MRPL40: variants seen among roughly 807,000 people sequenced by gnomAD.
MRPL40 encodes mitochondrial ribosomal protein L40, also known as large ribosomal subunit protein mL40.
In MRPL40, 18 loss-of-function variants were observed where a neutral mutation model predicts 24.5. The observed-to-expected ratio is 0.73, with a 90% CI of 0.51 to 1.09. The LOEUF (loss-of-function observed/expected upper bound fraction) is 1.09, where lower values mean the gene tolerates loss of function less well. Ranked by LOEUF, MRPL40 falls within the 50% of genes least tolerant of loss-of-function variation. The probability of loss-of-function intolerance (pLI) is 0.00; values close to 1 mark genes in which losing one functional copy is unlikely to be tolerated. For synonymous variants in MRPL40, 108 were observed against 94.6 expected (o/e 1.14, Z -0.82); for missense variants, 256 against 243.8 (o/e 1.05, Z -0.33).
chr22:19,432,707 A>G, intron 1 of MRPL40, 100 bp downstream of exon 1: 1 of 1,447,952 alleles, frequency 6.9e-7, no homozygotes, highest in Non-Finnish European at 9.1e-7. Flanking sequence ...CTCGCCTCCC[A>G]GTCCACGAAT....
chr22:19,434,833 A>G lies in MRPL40; in HGVS notation c.235A>G (p.Thr79Ala). Residue 79 changes from threonine (T) to alanine (A), a missense_variant, in exon 3 of 4, where the codon ACT becomes GCT. Physicochemically the swap from Thr to Ala is moderately conservative, Grantham distance 58. Transcript: ENST00000333130. ...GAAGATCCGAAAACTGGAAAAGGCT[A>G]CTCAAGAGCTAATTCCTATTGAAGA... Reference protein sequence around the residue: ...KRKIRKLEKATQELIPIEDFI... With the variant: ...KRKIRKLEKAAQELIPIEDFI... The G allele has an allele frequency of 6.2e-7, 1 of 1,611,860 alleles. No homozygotes were observed. The highest frequency in any genetic ancestry group is 1.1e-5 in the South Asian group (1 of 90,552).
chr22:19,434,589 A>T, intron 2 of MRPL40, 147 bp from the exon 3 acceptor site: 1 of 610,990 alleles, frequency 1.6e-6, no homozygotes, highest in Non-Finnish European at 2.8e-6. Context: ...GGGGTGGAGT[A>T]CCTCCTCACC....
intron 1 of MRPL40, 29 bp from the exon 2 acceptor site, chr22:19,433,236 A>G (rs752383048): frequency 2.6e-6 from 4 of 1,514,398 alleles, no homozygotes; most frequent in Admixed American, 1.7e-5. Flanking sequence ...GGAGAAGCAG[A>G]TATTTATACA....
chr22:19,434,663 A>C (rs766548820), intron 2 of MRPL40, 73 bp from the exon 3 acceptor site: 8 of 1,289,664 alleles, frequency 6.2e-6, no homozygotes, highest in Non-Finnish European at 8.5e-6. Flanking sequence ...AGTATGGGGT[A>C]CTTACCATCT....
Position 19,432,567 on chromosome 22 carries a change from G to T in MRPL40, c.13G>T (p.Val5Leu), listed in dbSNP as rs199863614. The change falls in exon 1 of 4, where the codon GTG becomes TTG. Residue 5 changes from valine to leucine, a missense_variant. Physicochemically the swap from Val to Leu is conservative, Grantham distance 32 (BLOSUM62 1). Transcript: ENST00000333130. ...GGCGAGGGTAGCCATGACGGCCTCC[G>T]TGCTGCGAAGTATCTCGCTAGCCCT... is the stretch of plus-strand genomic sequence containing the variant. The part of the protein sequence containing the change: MTAS[V>L]LRSISLALRP... 41 of 1,551,586 alleles carry T rather than the reference G, an allele frequency of 2.6e-5. 1 individual carries two copies. In the Middle Eastern group the frequency reaches 1.4e-3, roughly 51 times the overall value.
chr22:19,433,304 C>T lies in MRPL40; in HGVS notation c.93C>T (p.His31=), dbSNP rs1189100988. 7 of 1,613,142 alleles carry T rather than the reference C, an allele frequency of 4.3e-6. No individual in the cohort carries two copies. The highest frequency in any genetic ancestry group is 5.1e-6 in the Non-Finnish European group (6 of 1,179,206). Residue 31 remains histidine, a synonymous_variant, in exon 2 of 4, where the codon CAC becomes CAT. Coordinates refer to ENST00000333130, the MANE Select transcript of MRPL40 (RefSeq NM_003776.4). ...GTWQTQLRET[H]QRASLLSFWE... ...GGCAGACGCAGCTTAGAGAGACTCACCAGCGAGCGTCATTGTTGTCTTTCT... is the reference window on the plus strand; with the variant it reads ...GGCAGACGCAGCTTAGAGAGACTCATCAGCGAGCGTCATTGTTGTCTTTCT...
chr22:19,434,555 C>T (rs921714047), intron 2 of MRPL40, among the ~76,000 whole-genome samples, 181 bp from the exon 3 acceptor site: 6 of 152,116 alleles, frequency 3.9e-5, no homozygotes, highest in Admixed American at 1.3e-4. Flanking sequence ...TTGATGGCAC[C>T]TACACAGTTC....
intron 1 of MRPL40, 178 bp downstream of exon 1, chr22:19,432,785 G>C: frequency 2.2e-6 from 3 of 1,388,870 alleles, no homozygotes; most frequent in Non-Finnish European, 2.8e-6. Context: ...GCGAGCAGCG[G>C]TCCTGCTTAA....
chr22:19,435,754 C>A lies in MRPL40; in HGVS notation c.413C>A (p.Ala138Asp), dbSNP rs777021975. Reference sequence around the variant, plus strand: ...AAGATGGAGAGGGACACCATCAGGGCTATGCTAGAAGCCCAGCAGGAAGCT... The same window carrying A: ...AAGATGGAGAGGGACACCATCAGGGATATGCTAGAAGCCCAGCAGGAAGCT... ...ERKMERDTIR[A>D]MLEAQQEALE... Residue 138 changes from alanine (A) to aspartate (D), a missense_variant, in exon 4 of 4, where the codon GCT becomes GAT. Coordinates refer to ENST00000333130, the MANE Select transcript of MRPL40 (RefSeq NM_003776.4). 6.2e-7 allele frequency: 1 copy of A among 1,614,146 alleles called. No individual in the cohort carries two copies. The highest frequency in any genetic ancestry group is 1.7e-5 in the Admixed American group (1 of 60,030).
Position 19,434,874 on chromosome 22 carries a change from A to C in MRPL40, c.276A>C (p.Leu92=). The C allele has an allele frequency of 6.3e-7, 1 of 1,597,182 alleles. No homozygotes were observed. The highest frequency in any genetic ancestry group is 8.5e-7 in the Non-Finnish European group (1 of 1,175,650). The change falls in exon 3 of 4, where the codon CTA becomes CTC. Residue 92 remains leucine (L), a synonymous_variant. Transcript: ENST00000333130. ...LIPIEDFITP[L]KFLDKARERP... ...CTATTGAAGATTTTATTACCCCTCT[A>C]AAGTTCTTGGATAAAGCAAGGTAAG...
intron 3 of MRPL40, 128 bp from the exon 4 acceptor site, chr22:19,435,510 T>G: frequency 1.2e-6 from 1 of 858,544 alleles, no homozygotes; most frequent in Non-Finnish European, 1.8e-6. Flanking sequence ...AACATTCCAT[T>G]TCTTAATTTG....
chr22:19,433,155 G>C (rs2089559554), intron 1 of MRPL40, 110 bp from the exon 2 acceptor site: 2 of 674,546 alleles, frequency 3.0e-6, no homozygotes, highest in Non-Finnish European at 5.3e-6. Context: ...TTGAACTCCT[G>C]ACCTCGCGAT....
chr22:19,432,643 AGGGCGCGTGC>A lies in MRPL40; in HGVS notation c.53+40_53+49del, dbSNP rs1300613807. Reference sequence around the variant, plus strand: ...ACGCTGGCCGGATAGCGGAGTGCCCAGGGCGCGTGCGGGGTCTTCGCGACTGTCCGCCAGG... The same window carrying A: ...ACGCTGGCCGGATAGCGGAGTGCCCAGGGGTCTTCGCGACTGTCCGCCAGG... On this transcript the variant is annotated intron_variant, in intron 1 of 3. Coordinates refer to ENST00000333130, the MANE Select transcript of MRPL40 (RefSeq NM_003776.4). The A allele has an allele frequency of 2.0e-6, 3 of 1,532,064 alleles. No homozygotes were observed. In the South Asian group the frequency reaches 3.6e-5, roughly 19 times the overall value. 94.9% of individuals were successfully genotyped at this position (1,532,064 alleles called of 1,614,324 possible). A position where few individuals can be genotyped will look rare whatever the true frequency, so the allele number is the denominator to read the frequency against.
At chr22:19,434,647 G>A in intron 2 of MRPL40, 89 bp from the exon 3 acceptor site, 1 of 1,051,480 alleles carries the variant, frequency 9.5e-7, no homozygotes, top group Non-Finnish European at 1.4e-6. Context: ...CCCCAGTGGA[G>A]AGGTCAGTAT....
Position 19,434,794 on chromosome 22 carries a change from G to C in MRPL40, c.196G>C (p.Glu66Gln), listed in dbSNP as rs777494401. Residue 66 changes from glutamate to glutamine, a missense_variant, in exon 3 of 4, where the codon GAG becomes CAG. By Grantham distance (29) the Glu-to-Gln change is conservative. Coordinates refer to ENST00000333130, the MANE Select transcript of MRPL40 (RefSeq NM_003776.4). ...TCCTAAAAAAGACCAAGAAGCAAAGGAGCGCTTGAAAAGGAAGATCCGAAA... is the reference window on the plus strand; with the variant it reads ...TCCTAAAAAAGACCAAGAAGCAAAGCAGCGCTTGAAAAGGAAGATCCGAAA... Reference protein sequence around the residue: ...VDPKKDQEAKERLKRKIRKLE... With the variant: ...VDPKKDQEAKQRLKRKIRKLE... The C allele has an allele frequency of 6.2e-7, 1 of 1,612,366 alleles. No homozygotes were observed. Among genetic ancestry groups the C allele is most frequent in the Non-Finnish European group, 8.5e-7 (1 of 1,179,608 alleles).
intron 2 of MRPL40, 72 bp from the exon 3 acceptor site, chr22:19,434,664 C>T (rs1370247307): frequency 1.4e-5 from 19 of 1,318,884 alleles, no homozygotes; most frequent in Non-Finnish European, 1.7e-5. Context: ...GTATGGGGTA[C>T]TTACCATCTT....
chr22:19,432,805 G>A, intron 1 of MRPL40, 198 bp downstream of exon 1: 1 of 1,368,260 alleles, frequency 7.3e-7, no homozygotes, highest in Non-Finnish European at 9.4e-7. Flanking sequence ...AGTCCTCTGT[G>A]GTCTGAACGA....
At position 19,435,868 on chromosome 22, in the gene MRPL40, C is replaced by T. The variant is rs770486490; in HGVS notation, c.527C>T (p.Pro176Leu). Residue 176 changes from proline to leucine, a missense_variant, in exon 4 of 4, where the codon CCA becomes CTA. By Grantham distance (98) the Pro-to-Leu change is moderately conservative. Transcript: ENST00000333130. ...PNLFPFEKEGPHYTPPIPNYQ... is the reference protein window; with the variant it reads ...PNLFPFEKEGLHYTPPIPNYQ... ...CTGTTCCCCTTTGAGAAGGAAGGGC[C>T]ACATTACACACCACCGATCCCTAAC... 6.2e-7 allele frequency: 1 copy of T among 1,614,104 alleles called. No homozygotes were observed. The highest frequency in any genetic ancestry group is 8.5e-7 in the Non-Finnish European group (1 of 1,180,010).
At position 19,435,964 on chromosome 22, in the gene MRPL40, C is replaced by T; in HGVS notation, c.*2C>T. 6.2e-7 allele frequency: 1 copy of T among 1,608,870 alleles called. No individual in the cohort carries two copies. The highest frequency in any genetic ancestry group is 8.5e-7 in the Non-Finnish European group (1 of 1,176,266). On this transcript the variant is annotated 3_prime_UTR_variant, in exon 4 of 4. Coordinates refer to ENST00000333130, the MANE Select transcript of MRPL40 (RefSeq NM_003776.4). ...ACACAAGTGGAGTTTAAGAGATAGA[C>T]TTGCAGGCTGCTATCCTTAACATGC...
Sources: gnomAD v4.1 joint callset for allele counts (sites outside exome capture counted in the v4.1 genomes callset) on GRCh38, gnomAD v4.1.1 for gene constraint, MANE v1.5 for transcripts, NCBI Gene and HGNC (gene_info 2026-07-23, HGNC 2026-07-21) for gene names.